NCKAP5: variants seen among roughly 807,000 people sequenced by gnomAD.
NCKAP5 encodes the protein nck-associated protein 5.
NCKAP5 carries 92 observed loss-of-function variants against 167.0 expected under a neutral mutation model. The observed-to-expected ratio is 0.55, with a 90% CI of 0.47 to 0.66. The LOEUF (loss-of-function observed/expected upper bound fraction) is 0.66, where lower values mean the gene tolerates loss of function less well. NCKAP5 is among the 30% of genes least tolerant of loss of function. NCKAP5 has a pLI of 0.00. For synonymous variants in NCKAP5, 891 were observed against 877.4 expected (o/e 1.02, Z -0.27); for missense variants, 2,378 against 2,315.0 (o/e 1.03, Z -0.56).
At chr2:133,630,027 G>T in the NCKAP5 span, among the ~76,000 whole-genome samples, 5 of 152,092 alleles carry the variant, frequency 3.3e-5, no homozygotes, top group Non-Finnish European at 2.9e-5. Flanking sequence ...AATAGCTAAT[G>T]CATGTGGGGG....
intron 15 of NCKAP5, among the ~76,000 whole-genome samples, chr2:132,779,171 C>T (rs1682803996): frequency 6.6e-6 from 1 of 152,092 alleles, no homozygotes; most frequent in Non-Finnish European, 1.5e-5. Context: ...TCTGGAAAGA[C>T]CAAAGGACCC....
intron 3 of NCKAP5, among the ~76,000 whole-genome samples, chr2:133,330,589 G>A (rs1682788908): frequency 6.6e-6 from 1 of 151,982 alleles, no homozygotes; most frequent in South Asian, 2.1e-4. Flanking sequence ...GGTATTAGTA[G>A]CAGCTAAAAA....
chr2:133,360,003 T>C (rs1684991343), intron 3 of NCKAP5, among the ~76,000 whole-genome samples: 1 of 152,146 alleles, frequency 6.6e-6, no homozygotes, highest in South Asian at 2.1e-4. Flanking sequence ...CAACAGAAGG[T>C]AAATATCACA....
chr2:133,082,644 C>T (rs536247720), intron 6 of NCKAP5, among the ~76,000 whole-genome samples: 4 of 152,102 alleles, frequency 2.6e-5, no homozygotes, highest in Non-Finnish European at 5.9e-5. Flanking sequence ...GTGGACAGAG[C>T]AGGGGCTTTC....
At chr2:133,433,260 G>T (rs949470178) in intron 3 of NCKAP5, among the ~76,000 whole-genome samples, 4 of 152,154 alleles carry the variant, frequency 2.6e-5, no homozygotes, top group African/African-American at 9.7e-5. Flanking sequence ...TATCAACCAA[G>T]GAATGATTTG....
At chr2:132,906,040 C>T (rs565293640) in intron 8 of NCKAP5, among the ~76,000 whole-genome samples, 1 of 152,238 alleles carries the variant, frequency 6.6e-6, no homozygotes, top group South Asian at 2.1e-4. Flanking sequence ...CTATTGGTTA[C>T]CAAATAAAGC....
chr2:133,373,934 CA>C (rs1447329462), intron 3 of NCKAP5, among the ~76,000 whole-genome samples: 1 of 152,184 alleles, frequency 6.6e-6, no homozygotes, highest in Non-Finnish European at 1.5e-5. Flanking sequence ...CAAACTGAAT[CA>C]CAGATTTAAA....
At chr2:133,219,274 A>C (rs1198936108) in intron 4 of NCKAP5, among the ~76,000 whole-genome samples, 1 of 152,194 alleles carries the variant, frequency 6.6e-6, no homozygotes, top group Non-Finnish European at 1.5e-5. Context: ...CCGTATCGAC[A>C]ACTGGGGAAA....
In NCKAP5 at chr2:133,027,651, T is replaced by C. The variant is rs558870238; in HGVS notation, c.342-33412A>G. 3.3e-5 allele frequency among the ~76,000 whole-genome samples: 5 copies of C among 152,330 alleles called. No homozygotes were observed. In the South Asian group the frequency reaches 1.0e-3, roughly 32 times the overall value. ...CTCAGAGGGGAGGCTGGACTAGAAC[T>C]GTTAGGTTCCTTCCAGTTTGAAACT... On this transcript the variant is annotated intron_variant, in intron 6 of 19. Coordinates refer to ENST00000409261, the MANE Select transcript of NCKAP5 (RefSeq NM_207363.3).
At chr2:133,220,778 G>A (rs1267216749) in intron 4 of NCKAP5, among the ~76,000 whole-genome samples, 2 of 152,134 alleles carry the variant, frequency 1.3e-5, no homozygotes, top group African/African-American at 4.8e-5. Context: ...GGGTGCTACA[G>A]AGCCATCTGT....
chr2:133,388,008 A>T (rs989149335), intron 3 of NCKAP5, among the ~76,000 whole-genome samples: 1 of 152,078 alleles, frequency 6.6e-6, no homozygotes, highest in East Asian at 1.9e-4. Context: ...TTAGCTCAGA[A>T]AAGTTTGATC....
rs371254576 is a variant in NCKAP5 at position 133,528,365 on chromosome 2, G to T, written c.-61-10778C>A. On this transcript the variant is annotated intron_variant, in intron 2 of 19. Transcript: ENST00000409261. ...TGTGTAGGTTGTTTCTTTTTATTCA[G>T]GCTTTGAAGGCTCAGGAATAAAAGG... Among the ~76,000 whole-genome samples the T allele has an allele frequency of 9.7e-4, 146 of 151,266 alleles. 2 individuals carry two copies. The highest frequency in any genetic ancestry group is 3.4e-3 in the African/African-American group (139 of 41,198).
chr2:133,424,656 A>G (rs1302282112), intron 3 of NCKAP5, among the ~76,000 whole-genome samples: 1 of 152,218 alleles, frequency 6.6e-6, no homozygotes, highest in Admixed American at 6.5e-5. Context: ...TTTACTTGCT[A>G]CTTTGCCTTG....
intron 6 of NCKAP5, among the ~76,000 whole-genome samples, chr2:133,030,563 C>T (rs1459299372): frequency 6.6e-6 from 1 of 152,146 alleles, no homozygotes; most frequent in Non-Finnish European, 1.5e-5. Context: ...AAACAAGTGA[C>T]TCAAGGTAAG....
intron 3 of NCKAP5, among the ~76,000 whole-genome samples, chr2:133,417,963 G>A (rs890959835): frequency 3.9e-5 from 6 of 152,234 alleles, no homozygotes; most frequent in Non-Finnish European, 5.9e-5. Context: ...GTTAGTGACA[G>A]AGGGAATACG....
At chr2:133,512,773 T>C (rs750543159) in intron 3 of NCKAP5, among the ~76,000 whole-genome samples, 5 of 152,156 alleles carry the variant, frequency 3.3e-5, no homozygotes, top group Admixed American at 6.5e-5. Flanking sequence ...CCAATATCCT[T>C]GGGTTGCCTC....
chr2:132,706,224 G>T (rs1688348402), intron 19 of NCKAP5, among the ~76,000 whole-genome samples: 1 of 152,046 alleles, frequency 6.6e-6, no homozygotes, highest in Admixed American at 6.6e-5. Context: ...CGGTTCCCCT[G>T]GGATCAAGCC....
At chr2:133,388,859 T>C (rs1270304700) in intron 3 of NCKAP5, among the ~76,000 whole-genome samples, 2 of 152,224 alleles carry the variant, frequency 1.3e-5, no homozygotes, top group Non-Finnish European at 2.9e-5. Flanking sequence ...AATCTCCTGG[T>C]GTGCTGTTTG....
At chr2:133,657,620 A>T in the NCKAP5 span, among the ~76,000 whole-genome samples, 2 of 152,214 alleles carry the variant, frequency 1.3e-5, no homozygotes, top group Non-Finnish European at 2.9e-5. Context: ...AGGCCAAGAC[A>T]CAACAACAAA....
Sources: gnomAD v4.1 joint callset for allele counts (sites outside exome capture counted in the v4.1 genomes callset) on GRCh38, gnomAD v4.1.1 for gene constraint, MANE v1.5 for transcripts, NCBI Gene and HGNC (gene_info 2026-07-23, HGNC 2026-07-21) for gene names.